ZNF280D: variants seen among roughly 807,000 people sequenced by gnomAD.
The protein encoded by ZNF280D is suppressor of hairy wing homolog 4.
In ZNF280D, 39 loss-of-function variants were observed where a neutral mutation model predicts 94.7. That is an observed-to-expected ratio of 0.41 (90% CI 0.32 to 0.54). The LOEUF is 0.54. Among genes scored for constraint, ZNF280D ranks in the 20% least tolerant of loss-of-function variants. ZNF280D has a pLI of 0.22. For missense variants in ZNF280D, 1,090 were observed against 1,149.3 expected, an observed-to-expected ratio of 0.95 and a Z score of 0.75; for synonymous variants, 398 against 377.6, an observed-to-expected ratio of 1.05 and a Z score of -0.63.
Position 56,693,088 on chromosome 15 carries a change from TA to T in ZNF280D, c.499+9del. On this transcript the variant is annotated intron_variant, in intron 7 of 21. Coordinates refer to ENST00000267807, the MANE Select transcript of ZNF280D (RefSeq NM_017661.4). Reference sequence around the variant, plus strand: ...TCTATAACCTTTATGAAAAAAATACTAAAACCAACCTGCCATAGAAAGTGTT... The same window carrying T: ...TCTATAACCTTTATGAAAAAAATACTAAACCAACCTGCCATAGAAAGTGTT... The T allele has an allele frequency of 6.4e-7, 1 of 1,562,624 alleles. No individual in the cohort carries two copies. Among genetic ancestry groups the T allele is most frequent in the Non-Finnish European group, 8.8e-7 (1 of 1,138,996 alleles).
chr15:56,694,331 AC>A (rs1566992844), intron 6 of ZNF280D, among the ~76,000 whole-genome samples: 20 of 150,964 alleles, frequency 1.3e-4, no homozygotes, highest in African/African-American at 4.9e-4. Context: ...ACACACACAC[AC>A]ACACACAAGT....
intron 1 of ZNF280D, among the ~76,000 whole-genome samples, chr15:56,719,068 C>G (rs976739965): frequency 2.0e-5 from 3 of 152,244 alleles, no homozygotes; most frequent in African/African-American, 7.2e-5. Context: ...AGAAACTGTT[C>G]CCTAACAGCA....
chr15:56,631,996 A>G lies in ZNF280D; in HGVS notation c.2442T>C (p.Leu814=). The part of the protein sequence containing the change: ...TVSDKENETC[L]ADQETGSKNI... Reference sequence around the variant, plus strand: ...TTTTTGAGCCAGTTTCCTGGTCTGCAAGACAGGTTTCATTTTCCTTATCTG... The same window carrying G: ...TTTTTGAGCCAGTTTCCTGGTCTGCGAGACAGGTTTCATTTTCCTTATCTG... Residue 814 remains leucine, a synonymous_variant, in exon 22 of 22, where the codon CTT becomes CTC. Coordinates refer to ENST00000267807, the MANE Select transcript of ZNF280D (RefSeq NM_017661.4). The G allele has an allele frequency of 1.2e-6, 2 of 1,614,042 alleles. No individual in the cohort carries two copies. Among genetic ancestry groups the G allele is most frequent in the Non-Finnish European group, 1.7e-6 (2 of 1,180,004 alleles).
intron 16 of ZNF280D, 99 bp from the exon 17 acceptor site, chr15:56,658,585 TAA>T: frequency 2.6e-6 from 2 of 758,876 alleles, no homozygotes; most frequent in Non-Finnish European, 4.1e-6. Context: ...TAGTTTGTAA[TAA>T]AAGATTATAA....
intron 1 of ZNF280D, among the ~76,000 whole-genome samples, 155 bp downstream of exon 1, chr15:56,733,303 A>T (rs1324541911): frequency 1.3e-5 from 2 of 151,962 alleles, no homozygotes; most frequent in Non-Finnish European, 2.9e-5. Flanking sequence ...GCCGCCGCGC[A>T]GCCGGTCTCC....
intron 7 of ZNF280D, among the ~76,000 whole-genome samples, chr15:56,692,286 A>G (rs1244417495): frequency 1.3e-5 from 2 of 152,102 alleles, no homozygotes; most frequent in African/African-American, 4.8e-5. Context: ...AGTTTATAAT[A>G]AAAGTATTAC....
intron 16 of ZNF280D, among the ~76,000 whole-genome samples, chr15:56,663,808 G>A (rs1340201279): frequency 1.3e-5 from 2 of 152,138 alleles, no homozygotes; most frequent in Admixed American, 6.5e-5. Flanking sequence ...GCTAACACAG[G>A]AGGATCACTT....
intron 19 of ZNF280D, chr15:56,653,796 G>T: frequency 1.6e-6 from 2 of 1,262,592 alleles, no homozygotes; most frequent in Non-Finnish European, 9.9e-7. Flanking sequence ...GCAAAGAAAA[G>T]ACCATAGCAA....
At chr15:56,732,812 T>G (rs552045544) in intron 1 of ZNF280D, 1 of 152,338 alleles carries the variant, frequency 6.6e-6, no homozygotes, top group Non-Finnish European at 1.5e-5. Context: ...TCTCAGTAAG[T>G]GAACCTTGCA....
intron 13 of ZNF280D, among the ~76,000 whole-genome samples, chr15:56,674,491 C>G (rs1566966682): frequency 6.6e-6 from 1 of 151,992 alleles, no homozygotes; most frequent in African/African-American, 2.4e-5. Context: ...TATGTAATTT[C>G]TACCTTTAGA....
intron 3 of ZNF280D, 64 bp from the exon 4 acceptor site, chr15:56,704,331 A>G: frequency 7.0e-7 from 1 of 1,425,432 alleles, no homozygotes; most frequent in South Asian, 1.3e-5. Context: ...CATTTTTGTA[A>G]TACATAGCAT....
chr15:56,681,852 T>C (rs781731173), intron 10 of ZNF280D, among the ~76,000 whole-genome samples: 11 of 152,074 alleles, frequency 7.2e-5, no homozygotes, highest in Non-Finnish European at 1.5e-4. Context: ...ATTGAAAAAT[T>C]TGAGCATTAC....
Position 56,682,488 on chromosome 15 carries a change from A to C in ZNF280D, c.781-11T>G. ...GTCTGGACAACAATACTGAAAGAGA[A>C]AAAAAAAAAAAAAAAACAAGCCTTA... On this transcript the variant is annotated splice_polypyrimidine_tract_variant and intron_variant, in intron 9 of 21. Transcript: ENST00000267807. The C allele has an allele frequency of 8.7e-7, 1 of 1,152,196 alleles. No homozygotes were observed. The highest frequency in any genetic ancestry group is 1.2e-6 in the Non-Finnish European group (1 of 860,226). The allele number at this position is 1,152,196 out of a possible 1,614,324, so 71.4% of individuals were successfully genotyped here. A position where few individuals can be genotyped will look rare whatever the true frequency, so the allele number is the denominator to read the frequency against.
chr15:56,655,562 G>T (rs186720229), intron 17 of ZNF280D, among the ~76,000 whole-genome samples: 72 of 152,306 alleles, frequency 4.7e-4, no homozygotes, highest in Non-Finnish European at 9.0e-4. Context: ...AAAGAGGTTA[G>T]GAAACAATTC....
Position 56,666,440 on chromosome 15 carries a change from C to G in ZNF280D, c.1949G>C (p.Arg650Thr). 6.2e-7 allele frequency: 1 copy of G among 1,605,530 alleles called. No individual in the cohort carries two copies. The highest frequency in any genetic ancestry group is 8.5e-7 in the Non-Finnish European group (1 of 1,177,526). Residue 650 changes from arginine (R) to threonine (T), a missense_variant, in exon 16 of 22, where the codon AGA (arginine) becomes ACA (threonine). Around this residue, in one of 3 missense-constraint regions of ZNF280D, gnomAD observed 577 missense variants for 568.8 expected, o/e 1.01. Coordinates refer to ENST00000267807, the MANE Select transcript of ZNF280D (RefSeq NM_017661.4). Reference sequence around the variant, plus strand: ...GGCTTTGCTACAGCTAGTGTTGTATCTGCAAAAACTACAGTGGACGTACGT... The same window carrying G: ...GGCTTTGCTACAGCTAGTGTTGTATGTGCAAAAACTACAGTGGACGTACGT... ...FPTYVHCSFC[R>T]YNTSCSKAYV...
rs1487727162 is a variant in ZNF280D at position 56,707,067 on chromosome 15, G to A, written c.28+15C>T. ...AGCCACATATATTAGTATTAGTTGT[G>A]GCAGCAACACTTACTTTTTGGTTGA... On this transcript the variant is annotated intron_variant, in intron 3 of 21. Transcript: ENST00000267807. The A allele has an allele frequency of 6.2e-7, 1 of 1,613,196 alleles. No homozygotes were observed. The highest frequency in any genetic ancestry group is 8.5e-7 in the Non-Finnish European group (1 of 1,179,350).
At chr15:56,647,197 G>C (rs2052941048) in intron 19 of ZNF280D, among the ~76,000 whole-genome samples, 2 of 152,184 alleles carry the variant, frequency 1.3e-5, no homozygotes, top group African/African-American at 4.8e-5. Context: ...GACAGTTAAT[G>C]ACTTTCTCAA....
At chr15:56,644,377 TAAG>T (rs1306091708) in intron 19 of ZNF280D, among the ~76,000 whole-genome samples, 8 of 152,192 alleles carry the variant, frequency 5.3e-5, no homozygotes, top group African/African-American at 1.9e-4. Context: ...AAATAAGTTT[TAAG>T]AATAAAATTA....
intron 13 of ZNF280D, among the ~76,000 whole-genome samples, chr15:56,676,007 T>C (rs1332820187): frequency 6.6e-6 from 1 of 152,100 alleles, no homozygotes; most frequent in Admixed American, 6.6e-5. Flanking sequence ...CCAATAAGCA[T>C]AATATCAGAA....
Sources: gnomAD v4.1 joint callset for allele counts (sites outside exome capture counted in the v4.1 genomes callset) on GRCh38, gnomAD v4.1.1 for gene constraint, gnomAD v4.1.1 regional missense constraint, MANE v1.5 for transcripts, NCBI Gene and HGNC (gene_info 2026-07-23, HGNC 2026-07-21) for gene names.